CDK14: variants seen among roughly 807,000 people sequenced by gnomAD.
CDK14 encodes the protein cyclin-dependent kinase 14.
A neutral mutation model predicts 60.7 loss-of-function variants in CDK14; 34 were observed. The ratio of observed to expected loss-of-function variants is 0.56; its 90% CI spans 0.43 to 0.75. The LOEUF (loss-of-function observed/expected upper bound fraction) is 0.75, where lower values mean the gene tolerates loss of function less well. Among genes scored for constraint, CDK14 ranks in the 30% least tolerant of loss-of-function variants. CDK14 has a pLI of 0.00. For missense variants in CDK14, 482 were observed against 564.1 expected, an observed-to-expected ratio of 0.85 and a Z score of 1.47; for synonymous variants, 197 against 203.7, an observed-to-expected ratio of 0.97 and a Z score of 0.28.
At chr7:91,168,496 C>T (rs1801418053) in intron 14 of CDK14, among the ~76,000 whole-genome samples, 1 of 152,172 alleles carries the variant, frequency 6.6e-6, no homozygotes, top group African/African-American at 2.4e-5. Flanking sequence ...AAAGTTTCAC[C>T]TTACTTGCCA....
chr7:91,178,640 G>A (rs1319748888), intron 14 of CDK14, among the ~76,000 whole-genome samples: 1 of 152,130 alleles, frequency 6.6e-6, no homozygotes, highest in East Asian at 1.9e-4. Context: ...ATCAAAAGGT[G>A]GGCGAAGGAC....
At chr7:91,075,370 CAT>C (rs1364888564) in intron 11 of CDK14, among the ~76,000 whole-genome samples, 4 of 152,174 alleles carry the variant, frequency 2.6e-5, no homozygotes, top group Non-Finnish European at 2.9e-5. Context: ...AAAAAAACCA[CAT>C]GATTAACTCA....
intron 2 of CDK14, among the ~76,000 whole-genome samples, chr7:90,625,932 A>G (rs1441235734): frequency 6.6e-6 from 1 of 152,236 alleles, no homozygotes; most frequent in Non-Finnish European, 1.5e-5. Context: ...AGGTCTTGCT[A>G]TTTAAACAAT....
chr7:90,735,906 G>T (rs1256793877), intron 3 of CDK14, among the ~76,000 whole-genome samples: 1 of 152,200 alleles, frequency 6.6e-6, no homozygotes, highest in Non-Finnish European at 1.5e-5. Flanking sequence ...CTCGGTGTCT[G>T]CCCAAACGGC....
At chr7:91,001,313 T>C (rs1216539441) in intron 10 of CDK14, among the ~76,000 whole-genome samples, 2 of 152,196 alleles carry the variant, frequency 1.3e-5, no homozygotes, top group African/African-American at 2.4e-5. Context: ...GGTCTGTGTG[T>C]TCTACCAAAA....
intron 8 of CDK14, among the ~76,000 whole-genome samples, chr7:90,926,356 A>G (rs2117452193): frequency 6.6e-6 from 1 of 152,302 alleles, no homozygotes; most frequent in Admixed American, 6.5e-5. Flanking sequence ...TGCTTCTCAC[A>G]GTAGACTAGT....
intron 10 of CDK14, among the ~76,000 whole-genome samples, chr7:91,006,063 C>T (rs1795971927): frequency 6.6e-6 from 1 of 152,224 alleles, no homozygotes; most frequent in African/African-American, 2.4e-5. Context: ...GTCAGCCATC[C>T]ACGTGGGTGG....
At chr7:90,870,242 T>C (rs1204164246) in intron 6 of CDK14, among the ~76,000 whole-genome samples, 1 of 152,078 alleles carries the variant, frequency 6.6e-6, no homozygotes, top group Non-Finnish European at 1.5e-5. Context: ...AACACAGGAA[T>C]AGAAAACCAA....
chr7:90,772,680 C>T (rs1338288808), intron 4 of CDK14, among the ~76,000 whole-genome samples: 4 of 152,174 alleles, frequency 2.6e-5, no homozygotes, highest in Non-Finnish European at 5.9e-5. Flanking sequence ...CCTCCCCAAC[C>T]GTGTTTCCTG....
intron 14 of CDK14, among the ~76,000 whole-genome samples, chr7:91,201,322 A>AT (rs1480280214): frequency 6.6e-6 from 1 of 152,186 alleles, no homozygotes; most frequent in Non-Finnish European, 1.5e-5. Flanking sequence ...GAAGTCTCCT[A>AT]AATAGAAATG....
intron 14 of CDK14, among the ~76,000 whole-genome samples, chr7:91,130,492 C>T (rs538017580): frequency 1.2e-4 from 19 of 152,094 alleles, no homozygotes; most frequent in Non-Finnish European, 2.5e-4. Context: ...GTATGAGAAA[C>T]ACTGCTCTAT....
intron 9 of CDK14, among the ~76,000 whole-genome samples, chr7:90,981,652 G>A (rs1427722028): frequency 6.6e-6 from 1 of 152,156 alleles, no homozygotes; most frequent in Non-Finnish European, 1.5e-5. Context: ...ACAAGTGTTT[G>A]CTTGCCCTAA....
intron 14 of CDK14, among the ~76,000 whole-genome samples, chr7:91,191,841 A>C (rs1802373032): frequency 6.6e-6 from 1 of 152,114 alleles, no homozygotes; most frequent in Non-Finnish European, 1.5e-5. Flanking sequence ...TACAAAATTA[A>C]GTGGTATAAA....
At position 91,023,623 on chromosome 7, in the gene CDK14, A is replaced by G. The variant is rs148274789; in HGVS notation, c.1042-22274A>G. 2.6e-5 allele frequency among the ~76,000 whole-genome samples: 4 copies of G among 152,278 alleles called. No homozygotes were observed. In the East Asian group the frequency reaches 7.7e-4, roughly 29 times the overall value. On this transcript the variant is annotated intron_variant, in intron 10 of 14. Coordinates refer to ENST00000380050, the MANE Select transcript of CDK14 (RefSeq NM_001287135.2). ...ACAAATTATTTTAATTATTACCACT[A>G]CTATTGTTGTCATTAGGGGACAAAG... is the stretch of plus-strand genomic sequence containing the variant.
intron 14 of CDK14, among the ~76,000 whole-genome samples, chr7:91,161,757 ATAGT>A (rs557630099): frequency 1.3e-5 from 2 of 152,372 alleles, no homozygotes; most frequent in East Asian, 3.9e-4. Flanking sequence ...TGCAAAATAA[ATAGT>A]TAAACTGAAT....
intron 2 of CDK14, among the ~76,000 whole-genome samples, chr7:90,665,501 A>T (rs1800960797): frequency 6.6e-6 from 1 of 152,170 alleles, no homozygotes; most frequent in Admixed American, 6.5e-5. Flanking sequence ...ATCCCCAGTA[A>T]GGCTGTGAGG....
intron 2 of CDK14, among the ~76,000 whole-genome samples, chr7:90,636,113 G>A (rs1584757398): frequency 1.3e-5 from 2 of 149,284 alleles, no homozygotes; most frequent in African/African-American, 2.5e-5. Context: ...TTTCCTAATT[G>A]AATACACTTT....
intron 2 of CDK14, among the ~76,000 whole-genome samples, chr7:90,638,491 G>A (rs1232222051): frequency 5.4e-4 from 82 of 152,256 alleles, no homozygotes; most frequent in Non-Finnish European, 1.6e-4. Flanking sequence ...AGTTTCTGCC[G>A]AGAGATCCGC....
intron 14 of CDK14, among the ~76,000 whole-genome samples, chr7:91,120,464 C>A (rs1014327271): frequency 1.3e-5 from 2 of 151,826 alleles, no homozygotes; most frequent in African/African-American, 4.8e-5. Context: ...GAAGCTTTTC[C>A]TCTAGAATTA....
Sources: allele counts gnomAD v4.1 joint callset (sites outside exome capture counted in the v4.1 genomes callset), GRCh38; gene constraint gnomAD v4.1.1; transcripts MANE v1.5; gene names NCBI Gene and HGNC (gene_info 2026-07-23, HGNC 2026-07-21).